Variants in MSI2 observed in about 807,000 individuals in gnomAD.
MSI2 encodes RNA-binding protein Musashi homolog 2.
MSI2 carries 17 observed loss-of-function variants against 45.6 expected under a neutral mutation model. The observed-to-expected ratio is 0.37, with a 90% CI of 0.26 to 0.56. The LOEUF (loss-of-function observed/expected upper bound fraction) is 0.56, where lower values mean the gene tolerates loss of function less well. MSI2 is among the 20% of genes least tolerant of loss of function. The pLI is 0.77. For missense variants in MSI2, 293 were observed against 444.2 expected (o/e 0.66, Z 3.06); for synonymous variants, 156 against 158.2 (o/e 0.99, Z 0.11).
intron 9 of MSI2, chr17:57,625,777 T>G (rs1382166928): frequency 6.6e-6 from 1 of 152,272 alleles, no homozygotes; most frequent in African/African-American, 2.4e-5. Context: ...TGGGCAGTGC[T>G]GGAGAATTGA....
chr17:57,550,722 G>C (rs149182710), intron 7 of MSI2, among the ~76,000 whole-genome samples: 1 of 152,182 alleles, frequency 6.6e-6, no homozygotes, highest in Non-Finnish European at 1.5e-5. Context: ...TTTTCAGCCT[G>C]GGGAAGAGTC....
intron 6 of MSI2, among the ~76,000 whole-genome samples, chr17:57,402,255 C>G (rs1274731335): frequency 6.6e-6 from 1 of 152,184 alleles, no homozygotes; most frequent in East Asian, 1.9e-4. Context: ...CTTAGGAGGG[C>G]TGACCCTTGT....
intron 6 of MSI2, among the ~76,000 whole-genome samples, chr17:57,451,486 T>C (rs1598285372): frequency 2.0e-5 from 3 of 152,310 alleles, no homozygotes; most frequent in African/African-American, 4.8e-5. Flanking sequence ...AGCTGTCCTG[T>C]GACATTTCTG....
intron 6 of MSI2, among the ~76,000 whole-genome samples, chr17:57,523,346 C>T (rs1404548257): frequency 6.6e-6 from 1 of 152,218 alleles, no homozygotes; most frequent in Non-Finnish European, 1.5e-5. Context: ...CCACGCCCGG[C>T]CTGCATTGCG....
chr17:57,281,350 G>A (rs1443658032), intron 5 of MSI2, among the ~76,000 whole-genome samples: 1 of 152,124 alleles, frequency 6.6e-6, no homozygotes, highest in Non-Finnish European at 1.5e-5. Flanking sequence ...CTGAGCTCAT[G>A]TGGGCCACTC....
At chr17:57,320,587 A>G (rs1454792788) in intron 5 of MSI2, among the ~76,000 whole-genome samples, 1 of 152,168 alleles carries the variant, frequency 6.6e-6, no homozygotes, top group Admixed American at 6.5e-5. Flanking sequence ...GGGAAGGGTC[A>G]GAGGTTTCTA....
At chr17:57,686,034 C>T (rs562790006), downstream of MSI2, among the ~76,000 whole-genome samples, 63 of 152,330 alleles carry the variant, frequency 4.1e-4, 1 homozygote, top group Middle Eastern at 0.01. Flanking sequence ...TGCCACGTGA[C>T]TATCTACATT....
At chr17:57,286,125 C>A in intron 5 of MSI2, 1 of 647,870 alleles carries the variant, frequency 1.5e-6, no homozygotes, top group Non-Finnish European at 2.3e-6. Context: ...ATACCTAATT[C>A]CTTATCTCAT....
chr17:57,286,439 G>C (rs541952822), intron 5 of MSI2, among the ~76,000 whole-genome samples: 1 of 152,238 alleles, frequency 6.6e-6, no homozygotes, highest in South Asian at 2.1e-4. Flanking sequence ...TTCACTAATT[G>C]CTCATCATCG....
intron 11 of MSI2, among the ~76,000 whole-genome samples, chr17:57,663,635 G>C (rs1012967520): frequency 1.8e-4 from 28 of 152,212 alleles, no homozygotes; most frequent in Non-Finnish European, 3.5e-4. Flanking sequence ...AGAAAAGACA[G>C]ACACACAGCA....
intron 5 of MSI2, among the ~76,000 whole-genome samples, chr17:57,327,872 G>T (rs1393550447): frequency 6.6e-6 from 1 of 152,122 alleles, no homozygotes. Flanking sequence ...GTGTGTGGGA[G>T]CCCATTGTCA....
chr17:57,541,816 T>C (rs971383990), intron 7 of MSI2, among the ~76,000 whole-genome samples: 1 of 152,216 alleles, frequency 6.6e-6, no homozygotes, highest in Non-Finnish European at 1.5e-5. Flanking sequence ...GAGCACTCCT[T>C]ACGCATTTGA....
At chr17:57,544,118 T>C (rs1005298415) in intron 7 of MSI2, among the ~76,000 whole-genome samples, 1 of 152,184 alleles carries the variant, frequency 6.6e-6, no homozygotes, top group African/African-American at 2.4e-5. Flanking sequence ...TGTGTGTGCC[T>C]GTGAGTGTGT....
intron 7 of MSI2, among the ~76,000 whole-genome samples, chr17:57,577,889 G>C (rs943531746): frequency 1.3e-5 from 2 of 152,118 alleles, no homozygotes; most frequent in African/African-American, 4.8e-5. Flanking sequence ...AGGTCACTGG[G>C]TACTCCAGAG....
intron 6 of MSI2, among the ~76,000 whole-genome samples, chr17:57,421,408 G>A (rs995607441): frequency 9.2e-5 from 14 of 152,166 alleles, no homozygotes; most frequent in African/African-American, 3.1e-4. Flanking sequence ...TGCACAGGAC[G>A]GAGTAGATCA....
rs548729157 is a variant in MSI2 at position 57,458,194 on chromosome 17, G to A, written c.405+56723G>A. Reference sequence around the variant, plus strand: ...TGGCTCATTGCAAGCTCCGCCTCCCGGGATCACGCCATTCTCTTGCCTCAG... The same window carrying A: ...TGGCTCATTGCAAGCTCCGCCTCCCAGGATCACGCCATTCTCTTGCCTCAG... On this transcript the variant is annotated intron_variant, in intron 6 of 13. Transcript: ENST00000284073. Among the ~76,000 whole-genome samples, 28 of 149,062 alleles carry A rather than the reference G, an allele frequency of 1.9e-4. No individual in the cohort carries two copies. The South Asian group carries it at 4.2e-3, about 23-fold the overall frequency.
At chr17:57,632,154 G>C (rs983742869) in intron 10 of MSI2, 2 of 1,195,258 alleles carry the variant, frequency 1.7e-6, no homozygotes, top group East Asian at 7.8e-5. Context: ...GGGAAGCTAG[G>C]AAGAAGACAT....
intron 7 of MSI2, among the ~76,000 whole-genome samples, chr17:57,563,344 T>G (rs896830795): frequency 1.2e-4 from 18 of 152,240 alleles, no homozygotes; most frequent in Admixed American, 7.2e-4. Context: ...CTCCTGTTGG[T>G]TCCTGTGGAA....
chr17:57,598,604 C>A (rs1308193878), intron 8 of MSI2, among the ~76,000 whole-genome samples: 1 of 152,058 alleles, frequency 6.6e-6, no homozygotes, highest in Non-Finnish European at 1.5e-5. Context: ...TTTCTCAGCT[C>A]CCCAGATGTC....
Sources: allele counts gnomAD v4.1 joint callset (sites outside exome capture counted in the v4.1 genomes callset), GRCh38; gene constraint gnomAD v4.1.1; transcripts MANE v1.5; gene names NCBI Gene and HGNC (gene_info 2026-07-23, HGNC 2026-07-21).